Variants in TLN2 observed in about 807,000 individuals in gnomAD.
The protein encoded by TLN2 is talin 2, also known as talin-2.
TLN2 carries 118 observed loss-of-function variants against 294.7 expected under a neutral mutation model. The observed-to-expected ratio is 0.40, with a 90% CI of 0.34 to 0.47. The LOEUF is 0.47. Among genes scored for constraint, TLN2 ranks in the 20% least tolerant of loss-of-function variants. The probability of loss-of-function intolerance (pLI) is 0.84; values close to 1 mark genes in which losing one functional copy is unlikely to be tolerated. For missense variants in TLN2, 3,083 were observed against 3,282.2 expected (o/e 0.94, Z 1.48); for synonymous variants, 1,431 against 1,304.5 (o/e 1.10, Z -2.09).
chr15:62,687,355 G>A (rs1241467156), intron 12 of TLN2, among the ~76,000 whole-genome samples: 1 of 152,192 alleles, frequency 6.6e-6, no homozygotes, highest in African/African-American at 2.4e-5. Flanking sequence ...AATTTCTTCA[G>A]CTATAAAATG....
chr15:62,652,096 C>G lies in TLN2; in HGVS notation c.326C>G (p.Thr109Ser). The change falls in exon 6 of 59, where the codon ACT (threonine) becomes AGT (serine). Residue 109 changes from threonine (T) to serine (S), a missense_variant. By Grantham distance (58) the Thr-to-Ser change is moderately conservative. Coordinates refer to ENST00000636159, the MANE Select transcript of TLN2 (RefSeq NM_015059.3). ...VKTVMVDDSK[T>S]VGELLVTICS... ...ACAGTGATGGTGGATGATTCCAAGA[C>G]TGTGGGGGAGCTCCTGGTCACTATT... 1 of 1,609,350 alleles carries G rather than the reference C, an allele frequency of 6.2e-7. No individual in the cohort carries two copies. The highest frequency in any genetic ancestry group is 8.5e-7 in the Non-Finnish European group (1 of 1,177,306).
rs186008723 is a variant in TLN2, at chr15:62,457,139, G to A, written c.-238+66454G>A. ...GCTTAAACAATAGAAATTTTTTCAC[G>A]GTTCTGGAGGCTGGAAGTCTGAGAT... On this transcript the variant is annotated intron_variant, in intron 1 of 58. Transcript: ENST00000636159. Among the ~76,000 whole-genome samples the A allele has an allele frequency of 1.4e-4, 22 of 152,266 alleles. 1 individual carries two copies. The highest frequency in any genetic ancestry group is 3.9e-4 in the East Asian group (2 of 5,176).
intron 1 of TLN2, among the ~76,000 whole-genome samples, chr15:62,445,046 A>C (rs1365620423): frequency 2.6e-5 from 4 of 152,242 alleles, no homozygotes; most frequent in Non-Finnish European, 4.4e-5. Flanking sequence ...AGTGTCAGCT[A>C]TCCAGGTCAA....
chr15:62,802,658 C>T (rs1159555289), intron 50 of TLN2, among the ~76,000 whole-genome samples: 5 of 152,186 alleles, frequency 3.3e-5, no homozygotes, highest in Admixed American at 2.6e-4. Flanking sequence ...CCAAACTCTT[C>T]TCCATAGTGT....
At chr15:62,721,788 A>G (rs962056536) in intron 25 of TLN2, among the ~76,000 whole-genome samples, 3 of 152,236 alleles carry the variant, frequency 2.0e-5, no homozygotes, top group Admixed American at 1.3e-4. Flanking sequence ...CAATAGTTGC[A>G]TATACTGGAA....
chr15:62,516,006 G>C (rs1432933005), intron 1 of TLN2, among the ~76,000 whole-genome samples: 2 of 152,298 alleles, frequency 1.3e-5, no homozygotes, highest in East Asian at 3.9e-4. Flanking sequence ...GCCAGGACTC[G>C]AAGGGAGCCA....
intron 1 of TLN2, among the ~76,000 whole-genome samples, chr15:62,554,518 A>G (rs2042499528): frequency 6.6e-6 from 1 of 151,990 alleles, no homozygotes. Flanking sequence ...ACTCAGGAGA[A>G]TTGTAGAACT....
intron 2 of TLN2, among the ~76,000 whole-genome samples, chr15:62,603,598 T>G (rs2047178016): frequency 6.6e-6 from 1 of 152,214 alleles, no homozygotes; most frequent in Admixed American, 6.5e-5. Flanking sequence ...GCCTTGATAC[T>G]CTTAAAATCA....
chr15:62,421,282 C>G lies in TLN2; in HGVS notation c.-238+30597C>G, dbSNP rs8036170. ...AATTGCTGGCCTCAGGAGATCTGCC[C>G]GCTTTGGCCTTCCCAAGTGCTGAGA... is the stretch of plus-strand genomic sequence containing the variant. On this transcript the variant is annotated intron_variant, in intron 1 of 58. Transcript: ENST00000636159. Among the ~76,000 whole-genome samples, 900 of 152,206 alleles carry G rather than the reference C, an allele frequency of 5.9e-3. 5 individuals carry two copies. The highest frequency in any genetic ancestry group is 0.021 in the African/African-American group (861 of 41,540).
In TLN2 at chr15:62,705,107, C is replaced by G. The variant is rs115122530; in HGVS notation, c.2005-1979C>G. On this transcript the variant is annotated intron_variant, in intron 19 of 58. Coordinates refer to ENST00000636159, the MANE Select transcript of TLN2 (RefSeq NM_015059.3). The stretch of plus-strand genomic sequence containing the variant: ...GATTATTTTCATTGTGTGTGAATGT[C>G]AACCCTGCTTCCTAATGTTTGTTTC... Among the ~76,000 whole-genome samples the G allele has an allele frequency of 2.7e-3, 408 of 152,350 alleles. 2 individuals are homozygous for G. Among genetic ancestry groups the G allele is most frequent in the African/African-American group, 9.5e-3 (394 of 41,586 alleles).
rs773498352 is a variant in TLN2, at chr15:62,701,166, G to A, written c.1648G>A (p.Val550Ile). 6.2e-7 allele frequency: 1 copy of A among 1,614,154 alleles called. No individual in the cohort carries two copies. ...ATCCAAACACGAAATCCATTCTCAAGTTGATGCTATCACGGCCGGAACGGC... is the reference window on the plus strand; with the variant it reads ...ATCCAAACACGAAATCCATTCTCAAATTGATGCTATCACGGCCGGAACGGC... ...DESKHEIHSQ[V>I]DAITAGTASV... Residue 550 changes from valine to isoleucine, a missense_variant, in exon 17 of 59, where the codon GTT becomes ATT. Coordinates refer to ENST00000636159, the MANE Select transcript of TLN2 (RefSeq NM_015059.3).
At chr15:62,492,563 AAAAAAG>A (rs1051965724) in intron 1 of TLN2, among the ~76,000 whole-genome samples, 28 of 150,546 alleles carry the variant, frequency 1.9e-4, no homozygotes, top group Non-Finnish European at 3.6e-4. Context: ...AAAAAAAAGA[AAAAAAG>A]AAAAAAAACT....
chr15:62,752,164 C>G, intron 34 of TLN2, 141 bp from the exon 35 acceptor site: 3 of 1,170,396 alleles, frequency 2.6e-6, no homozygotes, highest in Middle Eastern at 2.0e-4. Context: ...TCTTCCATCT[C>G]TTTTTAATCC....
rs996314322 is a variant in TLN2, at chr15:62,635,604, G to C, written c.-36-11671G>C. On this transcript the variant is annotated intron_variant, in intron 3 of 58. Coordinates refer to ENST00000636159, the MANE Select transcript of TLN2 (RefSeq NM_015059.3). ...CTTTGAGTGGGGTGGGATCAGACAT[G>C]GAAGTCTAGATTCAGACAGACCTGG... Among the ~76,000 whole-genome samples the C allele has an allele frequency of 5.3e-5, 8 of 152,116 alleles. No homozygotes were observed. The East Asian group carries it at 1.5e-3, about 29-fold the overall frequency.
At chr15:62,722,198 G>A (rs2060189899) in intron 25 of TLN2, among the ~76,000 whole-genome samples, 155 bp from the exon 26 acceptor site, 1 of 152,058 alleles carries the variant, frequency 6.6e-6, no homozygotes, top group Non-Finnish European at 1.5e-5. Flanking sequence ...TCTGGCTTGA[G>A]GTGGCAGTTT....
At chr15:62,612,031 A>G (rs1435682238) in intron 2 of TLN2, among the ~76,000 whole-genome samples, 1 of 152,130 alleles carries the variant, frequency 6.6e-6, no homozygotes, top group African/African-American at 2.4e-5. Flanking sequence ...CAACTTGATG[A>G]CTTCAAATTG....
intron 2 of TLN2, among the ~76,000 whole-genome samples, chr15:62,602,389 A>G (rs893240522): frequency 6.6e-6 from 1 of 152,192 alleles, no homozygotes; most frequent in African/African-American, 2.4e-5. Context: ...AATTGGATAC[A>G]TAGTTAAGTT....
chr15:62,611,473 C>T (rs2047909868), intron 2 of TLN2, among the ~76,000 whole-genome samples: 1 of 152,206 alleles, frequency 6.6e-6, no homozygotes, highest in Non-Finnish European at 1.5e-5. Context: ...CTGATTTATT[C>T]AGTACTGTGT....
chr15:62,476,071 G>A (rs1242270111), intron 1 of TLN2, among the ~76,000 whole-genome samples: 1 of 152,140 alleles, frequency 6.6e-6, no homozygotes, highest in African/African-American at 2.4e-5. Context: ...CCATATGACT[G>A]GACTCCACGG....
Sources: allele counts gnomAD v4.1 joint callset (sites outside exome capture counted in the v4.1 genomes callset), GRCh38; gene constraint gnomAD v4.1.1; transcripts MANE v1.5; gene names NCBI Gene and HGNC (gene_info 2026-07-23, HGNC 2026-07-21).